Variants in MAMDC4 observed in about 807,000 individuals in gnomAD.
MAMDC4 encodes apical endosomal glycoprotein.
MAMDC4 carries 168 observed loss-of-function variants against 153.3 expected under a neutral mutation model. The ratio of observed to expected loss-of-function variants is 1.10; its 90% CI spans 0.97 to 1.25. The LOEUF is 1.25. Among genes scored for constraint, MAMDC4 ranks in the 50% most tolerant of loss-of-function variants. The probability of loss-of-function intolerance (pLI) is 0.00; values close to 1 mark genes in which losing one functional copy is unlikely to be tolerated. For synonymous variants in MAMDC4, 744 were observed against 651.5 expected (o/e 1.14, Z -2.16); for missense variants, 1,701 against 1,542.8 (o/e 1.10, Z -1.72).
At chr9:136,855,189 G>A in intron 10 of MAMDC4, 65 bp from the exon 11 acceptor site, 2 of 1,578,958 alleles carry the variant, frequency 1.3e-6, no homozygotes, top group Admixed American at 3.7e-5. Flanking sequence ...ACCCACTGCG[G>A]GTGGACAGGG....
chr9:136,858,462 G>T lies in MAMDC4; in HGVS notation c.2737G>T (p.Gly913Ter). The T allele has an allele frequency of 6.2e-7, 1 of 1,608,648 alleles. No individual in the cohort carries two copies. Residue 913 changes from glycine to a stop codon, truncating the protein, a stop_gained, in exon 22 of 27, where the codon GGA (glycine) becomes TGA (stop). Coordinates refer to ENST00000317446, the MANE Select transcript of MAMDC4 (RefSeq NM_206920.3). LOFTEE classifies it high-confidence loss of function. Reference sequence around the variant, plus strand: ...CCACCTGGCCTGGCCCGGCCTGGGCGGATACAGCTGGGACTGGGGCGGGGG... The same window carrying T: ...CCACCTGGCCTGGCCCGGCCTGGGCTGATACAGCTGGGACTGGGGCGGGGG... ...WSHLAWPGLG[G>*]YSWDWGGGAT...
rs764464295 is a variant in MAMDC4 at position 136,855,404 on chromosome 9, C to T, written c.1283-27C>T. 38 of 1,604,320 alleles carry T rather than the reference C, an allele frequency of 2.4e-5. No individual in the cohort carries two copies. In the East Asian group the frequency reaches 7.2e-4, roughly 30 times the overall value. ...GAGGCACAGCACTCCCCATCCCTGC[C>T]TCCTGACACCAGTTCTGCCCCCACA... On this transcript the variant is annotated intron_variant, in intron 11 of 26. Coordinates refer to ENST00000317446, the MANE Select transcript of MAMDC4 (RefSeq NM_206920.3).
Position 136,858,181 on chromosome 9 carries a change from G to T in MAMDC4, c.2584-5G>T, listed in dbSNP as rs777493994. ...GCTGAGGCTGCCCTGCCCTGCACCC[G>T]CCAGGTGGTGTTTGAGGCAGTGGCC... is the stretch of plus-strand genomic sequence containing the variant. On this transcript the variant is annotated splice_polypyrimidine_tract_variant and splice_region_variant and intron_variant, in intron 20 of 26. Transcript: ENST00000317446. The T allele has an allele frequency of 1.4e-5, 22 of 1,562,772 alleles. No individual in the cohort carries two copies. Among genetic ancestry groups the T allele is most frequent in the Non-Finnish European group, 1.7e-5 (20 of 1,158,308 alleles).
Position 136,860,626 on chromosome 9 carries a change from T to C in MAMDC4, c.*23T>C, listed in dbSNP as rs1309690543. 1.2e-6 allele frequency: 2 copies of C among 1,612,994 alleles called. No individual in the cohort carries two copies. Among genetic ancestry groups the C allele is most frequent in the South Asian group, 2.2e-5 (2 of 91,054 alleles). On this transcript the variant is annotated 3_prime_UTR_variant, in exon 27 of 27. Coordinates refer to ENST00000317446, the MANE Select transcript of MAMDC4 (RefSeq NM_206920.3). ...TAGACCACCCCAGACAAGGCCCCGC[T>C]TCCTCACGTGACATCCAGCACTTGG...
chr9:136,854,806 C>T lies in MAMDC4; in HGVS notation c.979C>T (p.Leu327Phe), dbSNP rs772381683. 1 of 1,612,748 alleles carries T rather than the reference C, an allele frequency of 6.2e-7. No homozygotes were observed. Among genetic ancestry groups the T allele is most frequent in the African/African-American group, 1.3e-5 (1 of 74,920 alleles). The change falls in exon 9 of 27, where the codon CTC (leucine) becomes TTC (phenylalanine). Residue 327 changes from leucine to phenylalanine, a missense_variant. Physicochemically the swap from Leu to Phe is conservative, Grantham distance 22. Transcript: ENST00000317446. ...SVAEPGTPAI[L>F]SSPEFQASGT... Reference sequence around the variant, plus strand: ...GGCCGAGCCTGGCACCCCTGCTATACTCTCCAGCCCCGAATTCCAAGCCTC... The same window carrying T: ...GGCCGAGCCTGGCACCCCTGCTATATTCTCCAGCCCCGAATTCCAAGCCTC...
Position 136,860,557 on chromosome 9 carries a change from C to T in MAMDC4, c.3373-5C>T, listed in dbSNP as rs1307462674. On this transcript the variant is annotated splice_polypyrimidine_tract_variant and splice_region_variant and intron_variant, in intron 26 of 26. Transcript: ENST00000317446. Reference sequence around the variant, plus strand: ...GAAAAAAAAAGCTCCTCTTCCTCCTCCTAGGATGGTGTCACCCTCCCGGCA... The same window carrying T: ...GAAAAAAAAAGCTCCTCTTCCTCCTTCTAGGATGGTGTCACCCTCCCGGCA... 2 of 1,611,844 alleles carry T rather than the reference C, an allele frequency of 1.2e-6. No homozygotes were observed. Among genetic ancestry groups the T allele is most frequent in the East Asian group, 2.2e-5 (1 of 44,872 alleles).
At chr9:136,859,432 G>A in intron 25 of MAMDC4, 115 bp downstream of exon 25, 1 of 942,570 alleles carries the variant, frequency 1.1e-6, no homozygotes, top group Non-Finnish European at 1.6e-6. Flanking sequence ...GCTGCACCCA[G>A]ACAGGACAAG....
At position 136,857,394 on chromosome 9, in the gene MAMDC4, TACCACGGC is replaced by T. The variant is rs1161922464; in HGVS notation, c.2139_2146del (p.Thr715AlafsTer15). ...GCTGTTCGAGGGCCTCCGGGACGGA[TACCACGGC>T]ACCATGGCGCTGGACGATGTGGCCG... is the stretch of plus-strand genomic sequence containing the variant. On this transcript the variant is annotated frameshift_variant, in exon 18 of 27. Coordinates refer to ENST00000317446, the MANE Select transcript of MAMDC4 (RefSeq NM_206920.3). LOFTEE classifies it high-confidence loss of function. 6.2e-7 allele frequency: 1 copy of T among 1,608,134 alleles called. No individual in the cohort carries two copies. Among genetic ancestry groups the T allele is most frequent in the East Asian group, 2.2e-5 (1 of 44,842 alleles).
rs1234085860 is a variant in MAMDC4 at position 136,855,427 on chromosome 9, A to C, written c.1283-4A>C. 10 of 1,608,352 alleles carry C rather than the reference A, an allele frequency of 6.2e-6. No homozygotes were observed. Among genetic ancestry groups the C allele is most frequent in the Admixed American group, 1.7e-5 (1 of 59,666 alleles). On this transcript the variant is annotated splice_polypyrimidine_tract_variant and splice_region_variant and intron_variant, in intron 11 of 26. Transcript: ENST00000317446. ...GCCTCCTGACACCAGTTCTGCCCCCACAGAGGTGTCCACCCTGCAGCCGCT... is the reference window on the plus strand; with the variant it reads ...GCCTCCTGACACCAGTTCTGCCCCCCCAGAGGTGTCCACCCTGCAGCCGCT...
intron 26 of MAMDC4, 77 bp downstream of exon 26, chr9:136,860,141 A>G (rs972676798): frequency 1.0e-5 from 15 of 1,446,546 alleles, no homozygotes; most frequent in African/African-American, 4.3e-5. Context: ...GTGGCGGGAC[A>G]CAACCCCCCG....
At position 136,859,263 on chromosome 9, in the gene MAMDC4, G is replaced by A. The variant is rs755894109; in HGVS notation, c.3139G>A (p.Asp1047Asn). The change falls in exon 25 of 27, where the codon GAT becomes AAT. Residue 1047 changes from aspartate to asparagine, a missense_variant. Physicochemically the swap from Asp to Asn is conservative, Grantham distance 23. Coordinates refer to ENST00000317446, the MANE Select transcript of MAMDC4 (RefSeq NM_206920.3). The stretch of plus-strand genomic sequence containing the variant: ...GCCAGCCCTGGGGCCCATTGCCCTG[G>A]ATGACGTGGAGTATCTGGCTGGGCA... Reference protein sequence around the residue: ...GQPALGPIALDDVEYLAGQHC... With the variant: ...GQPALGPIALNDVEYLAGQHC... 4 of 1,612,234 alleles carry A rather than the reference G, an allele frequency of 2.5e-6. No homozygotes were observed. Among genetic ancestry groups the A allele is most frequent in the Non-Finnish European group, 3.4e-6 (4 of 1,179,590 alleles).
intron 14 of MAMDC4, 30 bp from the exon 15 acceptor site, chr9:136,856,680 G>A (rs777607025): frequency 1.2e-6 from 2 of 1,600,768 alleles, no homozygotes; most frequent in African/African-American, 1.3e-5. Flanking sequence ...AGGGGAGAAG[G>A]TGTGTGACGC....
At chr9:136,854,386 G>A (rs557651171) in intron 7 of MAMDC4, 50 bp downstream of exon 7, 51 of 1,496,816 alleles carry the variant, frequency 3.4e-5, no homozygotes, top group Admixed American at 1.1e-4. Context: ...TGGACGCCTC[G>A]GTGGGGGCCC....
At chr9:136,853,707 C>CA in intron 4 of MAMDC4, 37 bp downstream of exon 4, 1 of 1,423,042 alleles carries the variant, frequency 7.0e-7, no homozygotes. Flanking sequence ...GGGGGGTGCC[C>CA]AAGGGGAGGG....
chr9:136,853,866 G>A lies in MAMDC4; in HGVS notation c.544G>A (p.Glu182Lys), dbSNP rs1006237571. 1 of 1,612,532 alleles carries A rather than the reference G, an allele frequency of 6.2e-7. No homozygotes were observed. Among genetic ancestry groups the A allele is most frequent in the Non-Finnish European group, 8.5e-7 (1 of 1,179,882 alleles). The change falls in exon 5 of 27, where the codon GAG (glutamate) becomes AAG (lysine). Residue 182 changes from glutamate to lysine, a missense_variant. Transcript: ENST00000317446. ...STGPWGPGWQELAVTTGRIRG... is the reference protein window; with the variant it reads ...STGPWGPGWQKLAVTTGRIRG... ...AGGGCCCTGGGGCCCTGGCTGGCAG[G>A]AGTTGGCAGTGACCACAGGCCGCAT...
chr9:136,853,484 G>A (rs372169496), intron 3 of MAMDC4, 26 bp downstream of exon 3: 35 of 1,609,412 alleles, frequency 2.2e-5, no homozygotes, highest in Middle Eastern at 1.6e-4. Flanking sequence ...GTCTCTGTGC[G>A]CCCCTGTCCC....
At chr9:136,856,537 G>A (rs546092902) in intron 14 of MAMDC4, 173 bp from the exon 15 acceptor site, 43 of 804,254 alleles carry the variant, frequency 5.3e-5, no homozygotes, top group South Asian at 4.8e-4. Flanking sequence ...GTGACCCTGA[G>A]GGACTGTAGC....
intron 1 of MAMDC4, 144 bp downstream of exon 1, chr9:136,852,606 G>T (rs1052754770): frequency 5.7e-6 from 6 of 1,050,504 alleles, no homozygotes; most frequent in African/African-American, 1.6e-5. Context: ...TGGCCGGCCT[G>T]CAAGGGGGGT....
At chr9:136,856,325 G>A in intron 14 of MAMDC4, 176 bp downstream of exon 14, 1 of 1,083,554 alleles carries the variant, frequency 9.2e-7, no homozygotes, top group Non-Finnish European at 1.4e-6. Flanking sequence ...GAGCAGCAGT[G>A]CAGGCATCTG....
Sources: gnomAD v4.1 joint callset for allele counts on GRCh38, gnomAD v4.1.1 for gene constraint, MANE v1.5 for transcripts, NCBI Gene and HGNC (gene_info 2026-07-23, HGNC 2026-07-21) for gene names.